The following AFF2 variants were observed in gnomAD, a reference collection of about 807,000 sequenced individuals.
The protein encoded by AFF2 is ALF transcription elongation factor 2.
A neutral mutation model predicts 76.9 loss-of-function variants in AFF2; 14 were observed. The ratio of observed to expected loss-of-function variants is 0.18; its 90% CI spans 0.12 to 0.28. The LOEUF is 0.28. AFF2 is among the 10% of genes least tolerant of loss of function. AFF2 has a pLI of 1.00. For synonymous variants in AFF2, 398 were observed against 366.7 expected (o/e 1.09, Z -0.98); for missense variants, 868 against 1,001.1 (o/e 0.87, Z 1.79).
intron 3 of AFF2, among the ~76,000 whole-genome samples, chrX:148,709,798 T>C (rs137909157): frequency 0.013 from 1,400 of 111,964 alleles, 23 homozygotes; most frequent in African/African-American, 0.043. Flanking sequence ...AAGGCATTAT[T>C]ACTTATCTCG....
At chrX:148,655,550 C>T (rs781895789) in intron 2 of AFF2, among the ~76,000 whole-genome samples, 18 of 112,025 alleles carry the variant, frequency 1.6e-4, no homozygotes, top group East Asian at 8.4e-4. Context: ...GCTGGGATTA[C>T]AGGCGTGAGC....
chrX:148,654,813 G>T (rs2054235171), intron 2 of AFF2, among the ~76,000 whole-genome samples: 1 of 107,876 alleles, frequency 9.3e-6, no homozygotes, highest in Admixed American at 9.9e-5. Context: ...TCAAAGCACG[G>T]TAAGTGTCTT....
chrX:148,969,931 G>T (rs1166068064), intron 15 of AFF2, among the ~76,000 whole-genome samples: 1 of 111,434 alleles, frequency 9.0e-6, no homozygotes, highest in East Asian at 2.8e-4. Flanking sequence ...CTATTAATTG[G>T]CACTATAGTC....
intron 1 of AFF2, chrX:148,546,790 TCTGCAGGC>T (rs1471520571): frequency 8.9e-6 from 1 of 112,284 alleles, no homozygotes; most frequent in Non-Finnish European, 1.9e-5. Flanking sequence ...TGTTTCCTTC[TCTGCAGGC>T]CAGTATATTT....
intron 1 of AFF2, among the ~76,000 whole-genome samples, chrX:148,526,325 C>T (rs781850326): frequency 1.9e-5 from 2 of 106,213 alleles, no homozygotes; most frequent in East Asian, 5.8e-4. Flanking sequence ...CAGTTTTCCA[C>T]AGTGGTAATA....
At chrX:148,504,705 C>T (rs1603222562) in intron 1 of AFF2, among the ~76,000 whole-genome samples, 1 of 113,020 alleles carries the variant, frequency 8.8e-6, no homozygotes, top group Admixed American at 9.2e-5. Context: ...GCACTTTCCC[C>T]AGTTTTCTTC....
At chrX:148,971,725 G>C (rs2072255359) in intron 15 of AFF2, among the ~76,000 whole-genome samples, 1 of 89,190 alleles carries the variant, frequency 1.1e-5, no homozygotes. Context: ...TTCAATCCTA[G>C]AAAATATTTT....
intron 1 of AFF2, among the ~76,000 whole-genome samples, chrX:148,572,295 G>A (rs2053238480): frequency 8.9e-6 from 1 of 111,916 alleles, no homozygotes; most frequent in Non-Finnish European, 1.9e-5. Flanking sequence ...AACACCCTTT[G>A]CTTGTGGAAA....
At chrX:148,973,090 T>A (rs1464103188) in intron 15 of AFF2, among the ~76,000 whole-genome samples, 1 of 102,809 alleles carries the variant, frequency 9.7e-6, no homozygotes, top group Non-Finnish European at 2.0e-5. Flanking sequence ...GTTGTAGATA[T>A]GCGGCATTAT....
At chrX:148,581,960 C>T (rs1197612500) in intron 1 of AFF2, among the ~76,000 whole-genome samples, 7 of 111,843 alleles carry the variant, frequency 6.3e-5, no homozygotes, top group Non-Finnish European at 1.1e-4. Context: ...TATTATGTTT[C>T]TTAAGTCTCC....
chrX:148,747,753 A>G (rs2055439889), intron 3 of AFF2, among the ~76,000 whole-genome samples: 1 of 112,037 alleles, frequency 8.9e-6, no homozygotes, highest in Non-Finnish European at 1.9e-5. Context: ...TCAGAGCTTC[A>G]TATTCTACTA....
At chrX:148,621,862 G>A (rs1161744092) in intron 1 of AFF2, among the ~76,000 whole-genome samples, 1 of 111,904 alleles carries the variant, frequency 8.9e-6, no homozygotes, top group Non-Finnish European at 1.9e-5. Flanking sequence ...GAGTCAGAAA[G>A]TAAACAAGTA....
At chrX:148,518,863 T>A (rs781820421) in intron 1 of AFF2, among the ~76,000 whole-genome samples, 2 of 111,923 alleles carry the variant, frequency 1.8e-5, no homozygotes, top group Non-Finnish European at 3.8e-5. Flanking sequence ...TAGAAATATA[T>A]GACTTAACAA....
intron 7 of AFF2, among the ~76,000 whole-genome samples, chrX:148,873,138 A>G (rs2070998008): frequency 9.0e-6 from 1 of 111,661 alleles, no homozygotes; most frequent in Admixed American, 9.5e-5. Context: ...GACATTGCAC[A>G]GAGAGATTCC....
chrX:148,720,064 AT>A (rs34269346), intron 3 of AFF2, among the ~76,000 whole-genome samples: 1 of 110,154 alleles, frequency 9.1e-6, no homozygotes, highest in Admixed American at 9.7e-5. Context: ...TCTTTCTCTA[AT>A]TTTTTTCAAC....
Position 148,987,543 on chromosome X carries a change from C to G in AFF2, c.3800C>G (p.Thr1267Arg). The change falls in exon 20 of 21, where the codon ACA becomes AGA. Residue 1267 changes from threonine to arginine, a missense_variant. Around this residue, in one of 6 missense-constraint regions of AFF2, gnomAD observed 33 missense variants for 63.6 expected, o/e 0.52. Transcript: ENST00000370460. ...CACTGGGATATGGCCGACAAACTGA[C>G]AAGAGAAAACAAAGGTATGCTCATC... is the stretch of plus-strand genomic sequence containing the variant. The part of the protein sequence containing the change: ...YEHWDMADKL[T>R]RENKEFFGDL... 8.3e-7 allele frequency: 1 copy of G among 1,208,410 alleles called. No individual in the cohort carries two copies. The highest frequency in any genetic ancestry group is 2.2e-5 in the Admixed American group (1 of 45,921).
chrX:148,649,340 T>C (rs1439674661), intron 1 of AFF2, among the ~76,000 whole-genome samples: 1 of 112,231 alleles, frequency 8.9e-6, no homozygotes, highest in African/African-American at 3.2e-5. Flanking sequence ...CGTTATAGAC[T>C]GAAAGCCTCA....
At chrX:148,866,409 A>G (rs2070907544) in intron 7 of AFF2, among the ~76,000 whole-genome samples, 1 of 112,658 alleles carries the variant, frequency 8.9e-6, no homozygotes, top group Non-Finnish European at 1.9e-5. Context: ...ATCTAAGCAC[A>G]TTATAGATGT....
chrX:148,969,646 G>A (rs2072224713), intron 15 of AFF2, among the ~76,000 whole-genome samples: 1 of 107,068 alleles, frequency 9.3e-6, no homozygotes, highest in African/African-American at 3.6e-5. Context: ...TATGTTCAGT[G>A]CGAATGGAAC....
Sources: gnomAD v4.1 joint callset for allele counts (sites outside exome capture counted in the v4.1 genomes callset) on GRCh38, gnomAD v4.1.1 for gene constraint, gnomAD v4.1.1 regional missense constraint, MANE v1.5 for transcripts, NCBI Gene and HGNC (gene_info 2026-07-23, HGNC 2026-07-21) for gene names.